The following ANXA8 variants were observed in gnomAD, a reference collection of about 807,000 sequenced individuals.
The protein encoded by ANXA8 is annexin A8.
Under a neutral mutation model 26.8 loss-of-function variants are expected in ANXA8, and 9 were observed. That is an observed-to-expected ratio of 0.34 (90% CI 0.20 to 0.59). The LOEUF (loss-of-function observed/expected upper bound fraction) is 0.59. ANXA8 is among the 20% of genes least tolerant of loss of function. The probability of loss-of-function intolerance (pLI) is 0.84; values close to 1 mark genes in which losing one functional copy is unlikely to be tolerated. For synonymous variants in ANXA8, 39 were observed against 94.8 expected (o/e 0.41, Z 3.42); for missense variants, 83 against 238.5 (o/e 0.35, Z 4.29).
At chr10:47,738,931 C>A in the ANXA8 span, among the ~76,000 whole-genome samples, 1 of 151,342 alleles carries the variant, frequency 6.6e-6, no homozygotes, top group South Asian at 2.1e-4. Context: ...CCTTTTCCAT[C>A]CCCTCATGTC....
the ANXA8 span, among the ~76,000 whole-genome samples, chr10:47,684,182 C>A: frequency 2.6e-5 from 4 of 152,108 alleles, no homozygotes; most frequent in African/African-American, 2.4e-5. Flanking sequence ...TCTGAGTACA[C>A]CTAAAACATA....
chr10:47,657,566 C>A, the ANXA8 span, among the ~76,000 whole-genome samples: 2 of 151,596 alleles, frequency 1.3e-5, no homozygotes, highest in African/African-American at 4.9e-5. Flanking sequence ...TAATATCTTG[C>A]AGGGTGGCTA....
the ANXA8 span, among the ~76,000 whole-genome samples, chr10:47,533,225 C>CA: frequency 0.024 from 2,330 of 95,906 alleles, 30 homozygotes; most frequent in East Asian, 0.048. Flanking sequence ...ACACACACAC[C>CA]CCCGCAGACA....
the ANXA8 span, among the ~76,000 whole-genome samples, chr10:47,557,023 T>G: frequency 8.0e-6 from 1 of 125,342 alleles, no homozygotes; most frequent in South Asian, 2.7e-4. Context: ...TTTTTTTTTT[T>G]TGAGATGGAG....
upstream of ANXA8, chr10:47,484,177 C>G (rs1162187293): frequency 1.0e-5 from 9 of 864,670 alleles, 1 homozygote; most frequent in African/African-American, 1.0e-4. Flanking sequence ...CAGGCCTGCT[C>G]TGGGGAATTA....
chr10:47,511,013 G>C, the ANXA8 span, among the ~76,000 whole-genome samples: 1 of 126,380 alleles, frequency 7.9e-6, no homozygotes, highest in Non-Finnish European at 1.6e-5. Flanking sequence ...GCGCGATCTC[G>C]GCTCACTGCA....
chr10:47,696,783 C>A, the ANXA8 span, among the ~76,000 whole-genome samples: 24 of 147,996 alleles, frequency 1.6e-4, no homozygotes, highest in African/African-American at 4.5e-4. Flanking sequence ...GAGTCAGAGA[C>A]CTCTTTGAGA....
chr10:47,607,521 A>T, the ANXA8 span, among the ~76,000 whole-genome samples: 26 of 147,204 alleles, frequency 1.8e-4, no homozygotes, highest in Non-Finnish European at 2.4e-4. Flanking sequence ...AATTGGCATA[A>T]CATTGTACAA....
chr10:47,652,659 T>C, the ANXA8 span, among the ~76,000 whole-genome samples: 1 of 141,908 alleles, frequency 7.0e-6, no homozygotes, highest in Non-Finnish European at 1.5e-5. Flanking sequence ...TTTAGTAAGG[T>C]TTGGTAAAGG....
upstream of ANXA8, among the ~76,000 whole-genome samples, chr10:47,487,623 C>T (rs1193366257): frequency 2.9e-5 from 4 of 138,554 alleles, no homozygotes; most frequent in African/African-American, 8.0e-5. Flanking sequence ...AGCATCTACT[C>T]ATGGGTACAT....
the ANXA8 span, among the ~76,000 whole-genome samples, chr10:47,736,862 C>T: frequency 2.0e-3 from 304 of 150,386 alleles, 1 homozygote; most frequent in African/African-American, 7.0e-3. Context: ...GCCATGTTGG[C>T]CAGGCTAGTC....
At chr10:47,615,994 T>G in the ANXA8 span, among the ~76,000 whole-genome samples, 1 of 68,598 alleles carries the variant, frequency 1.5e-5, no homozygotes, top group South Asian at 7.4e-4. Context: ...GCATTGAGTC[T>G]TTTGATAATC....
At chr10:47,901,796 A>G in the ANXA8 span, among the ~76,000 whole-genome samples, 1 of 149,844 alleles carries the variant, frequency 6.7e-6, no homozygotes, top group African/African-American at 2.5e-5. Flanking sequence ...TGATTAATAA[A>G]CCTAAATATA....
chr10:47,705,873 G>T, the ANXA8 span, among the ~76,000 whole-genome samples: 1 of 151,044 alleles, frequency 6.6e-6, no homozygotes, highest in African/African-American at 2.4e-5. Flanking sequence ...GCATCGCGGC[G>T]TCCCCTTTTT....
chr10:47,543,684 A>C, the ANXA8 span: 1 of 771,558 alleles, frequency 1.3e-6, no homozygotes, highest in Non-Finnish European at 2.0e-6. Context: ...AAACTCAATC[A>C]TACAGCAGAA....
At chr10:47,501,681 C>T in the ANXA8 span, among the ~76,000 whole-genome samples, 12 of 140,878 alleles carry the variant, frequency 8.5e-5, no homozygotes, top group African/African-American at 2.8e-4. Context: ...TGCACTCCAG[C>T]TGGGGCAACA....
At position 47,468,989 on chromosome 10, in the gene ANXA8, A is replaced by G. The variant is rs2132384838; in HGVS notation, c.925-83T>C. The G allele has an allele frequency of 2.6e-6, 4 of 1,555,134 alleles. No individual in the cohort carries two copies. In the African/African-American group the frequency reaches 4.1e-5, roughly 16 times the overall value. On this transcript the variant is annotated intron_variant, in intron 11 of 11. Coordinates refer to ENST00000585281, the MANE Select transcript of ANXA8 (RefSeq NM_001040084.3). ...TGGCGGCTGTGTTATTATGACTAAGAGGTGTGCCCCTGGCCTGCACCTGGC... is the reference window on the plus strand; with the variant it reads ...TGGCGGCTGTGTTATTATGACTAAGGGGTGTGCCCCTGGCCTGCACCTGGC...
chr10:47,551,820 A>C, the ANXA8 span: 42,791 of 748,144 alleles, frequency 0.057, 2,471 homozygotes, highest in East Asian at 0.27. Context: ...GCATTTTCTT[A>C]GTCTCCTAGC....
At chr10:47,619,127 G>C in the ANXA8 span, among the ~76,000 whole-genome samples, 1 of 113,046 alleles carries the variant, frequency 8.8e-6, no homozygotes, top group Non-Finnish European at 1.9e-5. Flanking sequence ...ACAGGTATGA[G>C]AGCTAGAAAA....
Sources: allele counts gnomAD v4.1 joint callset (sites outside exome capture counted in the v4.1 genomes callset), GRCh38; gene constraint gnomAD v4.1.1; transcripts MANE v1.5; gene names NCBI Gene and HGNC (gene_info 2026-07-23, HGNC 2026-07-21).